The following TENM3 variants were observed in gnomAD, a reference collection of about 807,000 sequenced individuals.
TENM3 encodes the protein teneurin-3.
In TENM3, 63 loss-of-function variants were observed where a neutral mutation model predicts 255.1. The observed-to-expected ratio is 0.25, with a 90% confidence interval of 0.20 to 0.30. TENM3 has a LOEUF of 0.30. Ranked by LOEUF, TENM3 falls within the 10% of genes least tolerant of loss-of-function variation. The probability of loss-of-function intolerance (pLI) is 1.00; values close to 1 mark genes in which losing one functional copy is unlikely to be tolerated. For missense variants in TENM3, 2,929 were observed against 3,461.1 expected (o/e 0.85, Z 3.86); for synonymous variants, 1,306 against 1,322.3 (o/e 0.99, Z 0.27).
At chr4:182,521,298 T>A (rs908001598) in intron 3 of TENM3, among the ~76,000 whole-genome samples, 3 of 152,238 alleles carry the variant, frequency 2.0e-5, no homozygotes, top group Non-Finnish European at 4.4e-5. Context: ...TCCTTTCATA[T>A]ATTTATCAAG....
the TENM3 span, among the ~76,000 whole-genome samples, chr4:181,872,086 G>C: frequency 1.3e-5 from 2 of 151,898 alleles, no homozygotes; most frequent in Non-Finnish European, 2.9e-5. Context: ...GAGCTGGAAA[G>C]TATTTAAATA....
chr4:182,689,575 A>G (rs994519419), intron 12 of TENM3, among the ~76,000 whole-genome samples: 18 of 152,234 alleles, frequency 1.2e-4, no homozygotes, highest in Non-Finnish European at 2.5e-4. Flanking sequence ...TATCACAACC[A>G]GAAAGAAAAA....
chr4:182,631,166 T>C (rs895529252), intron 5 of TENM3, among the ~76,000 whole-genome samples: 2 of 152,196 alleles, frequency 1.3e-5, no homozygotes, highest in African/African-American at 4.8e-5. Context: ...TTTGCTTTTA[T>C]TTTTCCCCAC....
the TENM3 span, among the ~76,000 whole-genome samples, chr4:181,983,202 G>A: frequency 2.0e-5 from 3 of 152,156 alleles, no homozygotes; most frequent in African/African-American, 7.2e-5. Flanking sequence ...AAGCACCTGC[G>A]TAGGTATTAA....
intron 3 of TENM3, among the ~76,000 whole-genome samples, chr4:182,571,549 A>C (rs1364239131): frequency 6.6e-6 from 1 of 152,108 alleles, no homozygotes; most frequent in Non-Finnish European, 1.5e-5. Flanking sequence ...CTGCCCCCAC[A>C]ACACACACGC....
chr4:182,571,261 C>T (rs566231164), intron 3 of TENM3, among the ~76,000 whole-genome samples: 9 of 152,264 alleles, frequency 5.9e-5, no homozygotes, highest in Admixed American at 1.3e-4. Flanking sequence ...CACGATGGCT[C>T]CCGCCTGTAA....
intron 5 of TENM3, among the ~76,000 whole-genome samples, chr4:182,635,925 G>T (rs560049903): frequency 1.3e-5 from 2 of 152,158 alleles, no homozygotes; most frequent in Admixed American, 1.3e-4. Flanking sequence ...GGGAAAATAC[G>T]CCAGCCCTTT....
At chr4:182,180,135 T>G (rs1579621346) in intron 1 of TENM3, among the ~76,000 whole-genome samples, 1 of 85,118 alleles carries the variant, frequency 1.2e-5, no homozygotes, top group South Asian at 3.0e-4. Flanking sequence ...GAAGAGTTTT[T>G]TTTTTTTAAA....
At chr4:182,152,791 A>C (rs1053940329) in intron 1 of TENM3, among the ~76,000 whole-genome samples, 2 of 151,790 alleles carry the variant, frequency 1.3e-5, no homozygotes, top group Admixed American at 6.6e-5. Flanking sequence ...ATATTGTTTT[A>C]ATTAGTATGA....
At chr4:182,495,811 T>A (rs1735723256) in intron 3 of TENM3, among the ~76,000 whole-genome samples, 1 of 152,186 alleles carries the variant, frequency 6.6e-6, no homozygotes, top group Non-Finnish European at 1.5e-5. Flanking sequence ...TACCAACAGC[T>A]TTTTTGGATC....
chr4:182,672,521 T>A (rs1755307153), intron 6 of TENM3, among the ~76,000 whole-genome samples: 2 of 152,200 alleles, frequency 1.3e-5, no homozygotes, highest in Admixed American at 6.5e-5. Flanking sequence ...ATCATTTAGA[T>A]AGAACCACAT....
At chr4:181,641,808 A>G in the TENM3 span, among the ~76,000 whole-genome samples, 19 of 35,742 alleles carry the variant, frequency 5.3e-4, no homozygotes, top group Non-Finnish European at 9.7e-4. Flanking sequence ...CACACACCAT[A>G]TATATATATA....
At chr4:181,526,158 T>C in the TENM3 span, among the ~76,000 whole-genome samples, 2 of 152,110 alleles carry the variant, frequency 1.3e-5, no homozygotes, top group Non-Finnish European at 2.9e-5. Context: ...ATTTAAACGA[T>C]TGGCCCATTT....
chr4:182,680,405 G>A, intron 9 of TENM3, 56 bp downstream of exon 9: 1 of 1,316,492 alleles, frequency 7.6e-7, no homozygotes, highest in South Asian at 1.2e-5. Context: ...AGAAACACAA[G>A]TGATTCCAAA....
chr4:182,201,347 C>T (rs1222870940), intron 1 of TENM3, among the ~76,000 whole-genome samples: 1 of 152,074 alleles, frequency 6.6e-6, no homozygotes, highest in Non-Finnish European at 1.5e-5. Flanking sequence ...TCACTGATAA[C>T]AGTGGAGCTG....
chr4:181,910,945 T>A, the TENM3 span, among the ~76,000 whole-genome samples: 10 of 152,208 alleles, frequency 6.6e-5, no homozygotes, highest in African/African-American at 2.2e-4. Context: ...TTGTTTGCTA[T>A]TATCAATGTT....
intron 3 of TENM3, among the ~76,000 whole-genome samples, chr4:182,520,200 T>G (rs1738424990): frequency 6.6e-6 from 1 of 152,134 alleles, no homozygotes; most frequent in Non-Finnish European, 1.5e-5. Flanking sequence ...TAGAAAATCT[T>G]AAGGAATCTT....
chr4:182,462,883 T>C (rs944892207), intron 3 of TENM3, among the ~76,000 whole-genome samples: 1 of 110,124 alleles, frequency 9.1e-6, no homozygotes, highest in African/African-American at 2.9e-5. Flanking sequence ...TGAGACTCCA[T>C]CTCAAAAAAA....
chr4:182,370,694 T>G (rs1471986730), intron 3 of TENM3, among the ~76,000 whole-genome samples: 1 of 152,190 alleles, frequency 6.6e-6, no homozygotes, highest in Non-Finnish European at 1.5e-5. Flanking sequence ...GTGTCTTTCT[T>G]GAGATACTAC....
Sources: allele counts gnomAD v4.1 joint callset (sites outside exome capture counted in the v4.1 genomes callset), GRCh38; gene constraint gnomAD v4.1.1; transcripts MANE v1.5; gene names NCBI Gene and HGNC (gene_info 2026-07-23, HGNC 2026-07-21).